Variants in LEKR1 observed in about 807,000 individuals in gnomAD.
LEKR1 encodes the protein leucine, glutamate and lysine rich 1.
Under a neutral mutation model 72.4 loss-of-function variants are expected in LEKR1, and 59 were observed. The ratio of observed to expected loss-of-function variants is 0.82; its 90% CI spans 0.66 to 1.01. The LOEUF is 1.01. Ranked by LOEUF, LEKR1 falls within the 50% of genes least tolerant of loss-of-function variation. LEKR1 has a pLI of 0.00. For synonymous variants in LEKR1, 257 were observed against 263.2 expected (o/e 0.98, Z 0.23); for missense variants, 728 against 759.2 (o/e 0.96, Z 0.48).
intron 6 of LEKR1, among the ~76,000 whole-genome samples, chr3:156,962,572 T>C (rs1347567864): frequency 6.6e-6 from 1 of 152,228 alleles, no homozygotes; most frequent in Non-Finnish European, 1.5e-5. Flanking sequence ...GGAAGCCATG[T>C]GATCTTTGAT....
chr3:156,903,830 A>G (rs991590424), intron 3 of LEKR1, among the ~76,000 whole-genome samples: 7 of 152,360 alleles, frequency 4.6e-5, no homozygotes, highest in African/African-American at 1.7e-4. Flanking sequence ...TCCCAAGGAA[A>G]GAATCCTACA....
intron 5 of LEKR1, among the ~76,000 whole-genome samples, chr3:156,932,128 G>A (rs1025761889): frequency 3.3e-5 from 5 of 152,104 alleles, no homozygotes; most frequent in African/African-American, 1.2e-4. Flanking sequence ...CAGGTATATA[G>A]TTATGTGACA....
chr3:156,978,875 T>C (rs971492452), intron 6 of LEKR1, among the ~76,000 whole-genome samples: 3 of 152,182 alleles, frequency 2.0e-5, no homozygotes, highest in African/African-American at 7.2e-5. Context: ...GAAATTCTTA[T>C]GTTTGTCAGC....
chr3:157,028,251 A>G lies in LEKR1; in HGVS notation c.1517A>G (p.Glu506Gly), dbSNP rs757425420. 4 of 1,613,608 alleles carry G rather than the reference A, an allele frequency of 2.5e-6. No individual in the cohort carries two copies. The highest frequency in any genetic ancestry group is 2.2e-5 in the South Asian group (2 of 91,068). ...GAAAATCTTAAAAATTTGGTTGCAG[A>G]ATTTGAATCTCGCTTGAAGAAGGAA... is the stretch of plus-strand genomic sequence containing the variant. ...EIENLKNLVAEFESRLKKEID... is the reference protein window; with the variant it reads ...EIENLKNLVAGFESRLKKEID... Residue 506 changes from glutamate to glycine, a missense_variant, in exon 12 of 13, where the codon GAA becomes GGA. Transcript: ENST00000356539.
intron 5 of LEKR1, among the ~76,000 whole-genome samples, chr3:156,931,805 C>T (rs9865905): frequency 0.43 from 64,737 of 151,802 alleles, 16,051 homozygotes; most frequent in East Asian, 0.73. Context: ...CTAATCTACA[C>T]TGGGGAAAAA....
intron 4 of LEKR1, among the ~76,000 whole-genome samples, chr3:156,925,585 C>T (rs186233232): frequency 6.6e-6 from 1 of 151,882 alleles, no homozygotes; most frequent in Non-Finnish European, 1.5e-5. Context: ...CCAATAGAGG[C>T]AAATTTATTG....
chr3:157,043,238 CTCTTT>C (rs879762191), intron 12 of LEKR1, among the ~76,000 whole-genome samples: 7 of 152,304 alleles, frequency 4.6e-5, no homozygotes, highest in Admixed American at 2.6e-4. Flanking sequence ...CCAGTTGAAT[CTCTTT>C]TCTTTATAAA....
Position 156,920,649 on chromosome 3 carries a change from T to C in LEKR1, c.338T>C (p.Leu113Ser). ...FQKVKKQLSH[L>S]QDELKIKYRQ... Reference sequence around the variant, plus strand: ...AAAGTAAAGAAACAACTGAGTCATTTGCAAGATGAGCTAAAAATTAAATAT... The same window carrying C: ...AAAGTAAAGAAACAACTGAGTCATTCGCAAGATGAGCTAAAAATTAAATAT... The change falls in exon 4 of 13, where the codon TTG becomes TCG. Residue 113 changes from leucine (L) to serine (S), a missense_variant. Transcript: ENST00000356539. The C allele has an allele frequency of 1.4e-6, 2 of 1,451,272 alleles. No individual in the cohort carries two copies. Among genetic ancestry groups the C allele is most frequent in the Non-Finnish European group, 1.9e-6 (2 of 1,075,170 alleles). 89.9% of individuals were successfully genotyped at this position (1,451,272 alleles called of 1,614,324 possible).
At position 157,008,402 on chromosome 3, in the gene LEKR1, A is replaced by T. The variant is rs550163962; in HGVS notation, c.1110-3011A>T. ...TGGCTGTATCAATAATTGTTTTTTTAAAATAAATTTTGAGTAGATACATTG... is the reference window on the plus strand; with the variant it reads ...TGGCTGTATCAATAATTGTTTTTTTTAAATAAATTTTGAGTAGATACATTG... On this transcript the variant is annotated intron_variant, in intron 9 of 12. Transcript: ENST00000356539. Among the ~76,000 whole-genome samples the T allele has an allele frequency of 4.6e-5, 7 of 152,302 alleles. No individual in the cohort carries two copies. The South Asian group carries it at 6.2e-4, about 14-fold the overall frequency.
Position 157,045,749 on chromosome 3 carries a change from G to C in LEKR1, c.2078G>C (p.Ter693SerextTer25). ...AILRRRRSQQ* is the reference protein window; with the variant it reads ...AILRRRRSQQS Reference sequence around the variant, plus strand: ...CTTAGGAGAAGGCGGAGTCAGCAATGATCCAAAATGAGGAGCAGGAAGCTC... The same window carrying C: ...CTTAGGAGAAGGCGGAGTCAGCAATCATCCAAAATGAGGAGCAGGAAGCTC... The change falls in exon 13 of 13, where the codon TGA (stop) becomes TCA (serine). Residue 693 changes from the stop codon to serine, a stop_lost. Transcript: ENST00000356539. 1.9e-6 allele frequency: 3 copies of C among 1,605,922 alleles called. No individual in the cohort carries two copies. The highest frequency in any genetic ancestry group is 1.7e-6 in the Non-Finnish European group (2 of 1,179,638).
intron 6 of LEKR1, among the ~76,000 whole-genome samples, chr3:156,978,558 T>C (rs1458699097): frequency 6.6e-6 from 1 of 152,210 alleles, no homozygotes; most frequent in Non-Finnish European, 1.5e-5. Context: ...TTCTTTCTGC[T>C]ATGGTTTCAG....
chr3:156,858,678 A>G (rs1379113843), intron 3 of LEKR1, among the ~76,000 whole-genome samples: 1 of 147,186 alleles, frequency 6.8e-6, no homozygotes, highest in African/African-American at 2.6e-5. Flanking sequence ...CTGTCTCAAA[A>G]AAAAAAAAAA....
At chr3:156,989,320 A>G (rs1730966570) in intron 7 of LEKR1, among the ~76,000 whole-genome samples, 1 of 152,240 alleles carries the variant, frequency 6.6e-6, no homozygotes, top group African/African-American at 2.4e-5. Context: ...AGGCACTTGG[A>G]AAATTCACGT....
chr3:156,842,975 C>T (rs1454642562), intron 2 of LEKR1, among the ~76,000 whole-genome samples: 1 of 152,192 alleles, frequency 6.6e-6, no homozygotes, highest in African/African-American at 2.4e-5. Context: ...CTGCACTCTA[C>T]AGGTTAATTC....
chr3:156,983,919 C>T (rs1730452171), intron 7 of LEKR1, among the ~76,000 whole-genome samples: 1 of 152,116 alleles, frequency 6.6e-6, no homozygotes, highest in Non-Finnish European at 1.5e-5. Flanking sequence ...TGTGAAGAAA[C>T]ACCTCCCCCC....
chr3:156,895,672 G>A (rs1560060238), intron 3 of LEKR1, among the ~76,000 whole-genome samples: 1 of 151,940 alleles, frequency 6.6e-6, no homozygotes, highest in East Asian at 1.9e-4. Flanking sequence ...ACCATCTCAT[G>A]CCAGTCAGAA....
At chr3:156,958,163 T>C (rs1417932000) in intron 6 of LEKR1, among the ~76,000 whole-genome samples, 2 of 152,150 alleles carry the variant, frequency 1.3e-5, no homozygotes, top group Non-Finnish European at 2.9e-5. Flanking sequence ...GGTTTTTTTG[T>C]TTTGTTTTGT....
intron 3 of LEKR1, among the ~76,000 whole-genome samples, chr3:156,916,855 C>T (rs1023952229): frequency 6.6e-5 from 10 of 152,042 alleles, no homozygotes; most frequent in Non-Finnish European, 1.3e-4. Flanking sequence ...GGAATGCTTC[C>T]AGCCTTTGCC....
At chr3:156,859,756 A>G (rs1716539617) in intron 3 of LEKR1, among the ~76,000 whole-genome samples, 1 of 152,184 alleles carries the variant, frequency 6.6e-6, no homozygotes, top group African/African-American at 2.4e-5. Flanking sequence ...CTACCCTAAA[A>G]ATACTCTGTG....
Sources: allele counts gnomAD v4.1 joint callset (sites outside exome capture counted in the v4.1 genomes callset), GRCh38; gene constraint gnomAD v4.1.1; transcripts MANE v1.5; gene names NCBI Gene and HGNC (gene_info 2026-07-23, HGNC 2026-07-21).